The following PCDH17 variants were observed in gnomAD, a reference collection of about 807,000 sequenced individuals.
The protein encoded by PCDH17 is protocadherin-17.
A neutral mutation model predicts 67.7 loss-of-function variants in PCDH17; 21 were observed. The observed-to-expected ratio is 0.31, with a 90% CI of 0.22 to 0.45. The LOEUF (loss-of-function observed/expected upper bound fraction) is 0.45, where lower values mean the gene tolerates loss of function less well. PCDH17 is among the 20% of genes least tolerant of loss of function. The probability of loss-of-function intolerance (pLI) is 1.00; values close to 1 mark genes in which losing one functional copy is unlikely to be tolerated. For synonymous variants in PCDH17, 701 were observed against 656.7 expected, an observed-to-expected ratio of 1.07 and a Z score of -1.03; for missense variants, 1,471 against 1,564.8, an observed-to-expected ratio of 0.94 and a Z score of 1.01.
rs1391464945 is a variant in PCDH17 at position 57,632,704 on chromosome 13, G to T, written c.158G>T (p.Arg53Leu). The change falls in exon 1 of 4, where the codon CGC (arginine) becomes CTC (leucine). Residue 53 changes from arginine (R) to leucine (L), a missense_variant. By Grantham distance (102) the Arg-to-Leu change is moderately radical. This residue lies in a region of PCDH17 where 1,163 missense variants were observed against 1,230.0 expected (regional missense o/e 0.95). Transcript: ENST00000377918. ...RLQPGLPPAERGGGGRSKSGS... is the reference protein window; with the variant it reads ...RLQPGLPPAELGGGGRSKSGS... ...CAGCCTGGGCTTCCGCCTGCAGAGC[G>T]CGGCGGCGGAGGGCGCAGCAAGTCG... 6.2e-7 allele frequency: 1 copy of T among 1,611,536 alleles called. No individual in the cohort carries two copies. The highest frequency in any genetic ancestry group is 8.5e-7 in the Non-Finnish European group (1 of 1,179,910).
At chr13:57,638,015 T>C (rs1954844986) in intron 1 of PCDH17, among the ~76,000 whole-genome samples, 1 of 151,876 alleles carries the variant, frequency 6.6e-6, no homozygotes, top group African/African-American at 2.4e-5. Flanking sequence ...CTCAGAAAAA[T>C]TAAAGTATAA....
chr13:57,701,943 A>C (rs1955667068), intron 3 of PCDH17, among the ~76,000 whole-genome samples: 1 of 151,814 alleles, frequency 6.6e-6, no homozygotes, highest in Non-Finnish European at 1.5e-5. Context: ...TTTTGGATGG[A>C]GTCTTGCTCT....
intron 1 of PCDH17, among the ~76,000 whole-genome samples, chr13:57,649,267 A>G (rs1283133321): frequency 6.6e-6 from 1 of 152,146 alleles, no homozygotes; most frequent in Non-Finnish European, 1.5e-5. Flanking sequence ...TGCTGTTAAT[A>G]TAATCTACTA....
At chr13:57,707,285 C>T (rs1043293442) in intron 3 of PCDH17, among the ~76,000 whole-genome samples, 14 of 149,856 alleles carry the variant, frequency 9.3e-5, no homozygotes, top group African/African-American at 1.5e-4. Flanking sequence ...ACTATATATA[C>T]GTATGTCATA....
upstream of PCDH17, among the ~76,000 whole-genome samples, chr13:57,630,353 TAAA>T (rs77570917): frequency 7.3e-6 from 1 of 137,868 alleles, no homozygotes; most frequent in Non-Finnish European, 1.6e-5. Flanking sequence ...AAGGAGGAAT[TAAA>T]AAAAAAAAAA....
At chr13:57,643,296 T>G (rs2137987659) in intron 1 of PCDH17, among the ~76,000 whole-genome samples, 1 of 151,686 alleles carries the variant, frequency 6.6e-6, no homozygotes, top group African/African-American at 2.4e-5. Context: ...TGCTTAAAAT[T>G]TTAGCAAAAT....
intron 1 of PCDH17, among the ~76,000 whole-genome samples, chr13:57,659,103 TTGTGTGTGTGTGTG>T (rs71083322): frequency 7.2e-6 from 1 of 139,750 alleles, no homozygotes; most frequent in African/African-American, 3.0e-5. Context: ...GTTATTTATA[TTGTGTGTGTGTGTG>T]TGTGTGTGTG....
chr13:57,653,677 A>G (rs1263536850), intron 1 of PCDH17, among the ~76,000 whole-genome samples: 2 of 152,168 alleles, frequency 1.3e-5, no homozygotes, highest in African/African-American at 4.8e-5. Flanking sequence ...GAAGTATGCG[A>G]TACAAAGGAG....
In PCDH17 at chr13:57,689,063, C is replaced by T. The variant is rs151034045; in HGVS notation, c.2797+22230C>T. On this transcript the variant is annotated intron_variant, in intron 3 of 3. Transcript: ENST00000377918. ...TAGCGAAGAAATTCATTTGTGCTTT[C>T]GCAAAATTTTAGCATTCTTGCTGTT... Among the ~76,000 whole-genome samples the T allele has an allele frequency of 5.1e-4, 77 of 152,046 alleles. No individual in the cohort carries two copies. The Middle Eastern group carries it at 0.01, about 20-fold the overall frequency.
Position 57,726,822 on chromosome 13 carries a change from T to A in PCDH17, c.*1528T>A, listed in dbSNP as rs1308786066. On this transcript the variant is annotated 3_prime_UTR_variant, in exon 4 of 4. Coordinates refer to ENST00000377918, the MANE Select transcript of PCDH17 (RefSeq NM_001040429.3). Reference sequence around the variant, plus strand: ...TCAAAAGTATTTTAAGTGCTTCAGATGTGTGTTCCCATTATATTTTGAAAA... The same window carrying A: ...TCAAAAGTATTTTAAGTGCTTCAGAAGTGTGTTCCCATTATATTTTGAAAA... The A allele has an allele frequency of 6.6e-6, 1 of 152,308 alleles. No homozygotes were observed. The highest frequency in any genetic ancestry group is 1.9e-4 in the East Asian group (1 of 5,198). The allele number at this position is 152,308 out of a possible 1,614,324, so 9.4% of individuals were successfully genotyped here.
intron 1 of PCDH17, among the ~76,000 whole-genome samples, chr13:57,642,330 T>C (rs553259701): frequency 7.4e-4 from 112 of 151,796 alleles, no homozygotes; most frequent in African/African-American, 2.6e-3. Flanking sequence ...AAAATCAATT[T>C]GAAATTTCAA....
At chr13:57,679,066 AATAAT>A (rs1955422601) in intron 3 of PCDH17, among the ~76,000 whole-genome samples, 1 of 151,534 alleles carries the variant, frequency 6.6e-6, no homozygotes, top group Non-Finnish European at 1.5e-5. Context: ...AGGGTAAACT[AATAAT>A]ATAAGTAACC....
chr13:57,637,118 GCA>G (rs1954833267), intron 1 of PCDH17, among the ~76,000 whole-genome samples: 1 of 151,830 alleles, frequency 6.6e-6, no homozygotes, highest in East Asian at 1.9e-4. Context: ...ACACACGTGC[GCA>G]CACACACACA....
At chr13:57,666,124 A>G (rs1445258917) in intron 1 of PCDH17, among the ~76,000 whole-genome samples, 1 of 152,182 alleles carries the variant, frequency 6.6e-6, no homozygotes, top group Non-Finnish European at 1.5e-5. Flanking sequence ...CACTTTTAAT[A>G]TGGAGAAATT....
chr13:57,645,651 C>T (rs947558610), intron 1 of PCDH17, among the ~76,000 whole-genome samples: 1 of 150,992 alleles, frequency 6.6e-6, no homozygotes, highest in Non-Finnish European at 1.5e-5. Context: ...CAATTATGAG[C>T]ATCAAGCTCT....
intron 3 of PCDH17, among the ~76,000 whole-genome samples, chr13:57,682,484 A>G (rs1955461851): frequency 6.6e-6 from 1 of 151,692 alleles, no homozygotes; most frequent in Non-Finnish European, 1.5e-5. Context: ...CACTTCCAAA[A>G]CAGTGTAAAC....
chr13:57,634,394 C>T lies in PCDH17; in HGVS notation c.1848C>T (p.Asp616=), dbSNP rs1455605591. 1 of 1,612,796 alleles carries T rather than the reference C, an allele frequency of 6.2e-7. No homozygotes were observed. Residue 616 remains aspartate, a synonymous_variant, in exon 1 of 4, where the codon GAC becomes GAT. Coordinates refer to ENST00000377918, the MANE Select transcript of PCDH17 (RefSeq NM_001040429.3). This position sits in a 1 kb window ranked among gnomAD's most constrained non-coding sequence, Gnocchi z 7.8. ...GCACTGTGCGCGCCCTAGACAGCGA[C>T]TTCGGCGAGAGCGGGCGTCTCACCT... ...LVSTVRALDS[D]FGESGRLTYE... is the part of the protein sequence containing the mutation.
chr13:57,696,054 A>G (rs1955604605), intron 3 of PCDH17, among the ~76,000 whole-genome samples: 1 of 151,394 alleles, frequency 6.6e-6, no homozygotes, highest in Non-Finnish European at 1.5e-5. Flanking sequence ...ATGAAGTTCA[A>G]GTGTATTGAT....
At chr13:57,721,607 C>T (rs369663655) in intron 3 of PCDH17, among the ~76,000 whole-genome samples, 31 of 152,166 alleles carry the variant, frequency 2.0e-4, no homozygotes, top group Non-Finnish European at 1.3e-4. Flanking sequence ...AGAAGGTACA[C>T]GTGTCAGAAA....
Sources: allele counts gnomAD v4.1 joint callset (sites outside exome capture counted in the v4.1 genomes callset), GRCh38; gene constraint gnomAD v4.1.1; regional missense constraint gnomAD v4.1.1; non-coding constraint Gnocchi (gnomAD v3.1); transcripts MANE v1.5; gene names NCBI Gene and HGNC (gene_info 2026-07-23, HGNC 2026-07-21).